The following BAZ1A variants were observed in gnomAD, a reference collection of about 807,000 sequenced individuals.
The protein encoded by BAZ1A is bromodomain adjacent to zinc finger domain protein 1A.
Under a neutral mutation model 185.2 loss-of-function variants are expected in BAZ1A, and 50 were observed. The ratio of observed to expected loss-of-function variants is 0.27; its 90% confidence interval spans 0.22 to 0.34. The LOEUF (loss-of-function observed/expected upper bound fraction) is 0.34. BAZ1A is among the 10% of genes least tolerant of loss of function. BAZ1A has a pLI of 1.00. For synonymous variants in BAZ1A, 571 were observed against 615.6 expected, an observed-to-expected ratio of 0.93 and a Z score of 1.07; for missense variants, 1,356 against 1,839.9, an observed-to-expected ratio of 0.74 and a Z score of 4.81.
rs767006466 is a variant in BAZ1A at position 34,754,896 on chromosome 14, T to C, written c.4405A>G (p.Ile1469Val). ...SKIQVPDYYD[I>V]IKKPIALNII... ...TTTAAGGCAATGGGCTTTTTGATGA[T>C]GTCATAGTAGTCTGGGACCTGTAAA... Residue 1469 changes from isoleucine (I) to valine (V), a missense_variant, in exon 26 of 27, where the codon ATC (isoleucine) becomes GTC (valine). Around this residue, in one of 7 missense-constraint regions of BAZ1A, gnomAD observed 61 missense variants for 117.9 expected, o/e 0.52. Coordinates refer to ENST00000360310, the MANE Select transcript of BAZ1A (RefSeq NM_013448.3). 1 of 1,604,200 alleles carries C rather than the reference T, an allele frequency of 6.2e-7. No homozygotes were observed. The highest frequency in any genetic ancestry group is 8.5e-7 in the Non-Finnish European group (1 of 1,175,456).
intron 5 of BAZ1A, among the ~76,000 whole-genome samples, chr14:34,809,425 A>T (rs1263183685): frequency 6.6e-6 from 1 of 152,206 alleles, no homozygotes; most frequent in Non-Finnish European, 1.5e-5. Flanking sequence ...TTCTAGCTAC[A>T]TTTCAAATGC....
At chr14:34,845,894 G>A (rs1338741367) in intron 3 of BAZ1A, among the ~76,000 whole-genome samples, 1 of 149,972 alleles carries the variant, frequency 6.7e-6, no homozygotes, top group Non-Finnish European at 1.5e-5. Flanking sequence ...AGAAAACTTT[G>A]ATCTTATATG....
intron 12 of BAZ1A, among the ~76,000 whole-genome samples, chr14:34,790,173 T>C (rs920497126): frequency 1.3e-5 from 2 of 151,786 alleles, no homozygotes; most frequent in African/African-American, 2.4e-5. Context: ...ATTTTCTTTT[T>C]TTTTTTTTTC....
intron 3 of BAZ1A, 132 bp from the exon 4 acceptor site, chr14:34,826,288 T>G (rs774379175): frequency 1.6e-5 from 13 of 833,536 alleles, no homozygotes; most frequent in Non-Finnish European, 2.1e-5. Context: ...TTAAACAATT[T>G]AATTAAAAAG....
chr14:34,864,338 T>C (rs1046218955), intron 2 of BAZ1A, among the ~76,000 whole-genome samples: 1 of 151,916 alleles, frequency 6.6e-6, no homozygotes, highest in Non-Finnish European at 1.5e-5. Context: ...GAGATGGAGT[T>C]TCATCATGTT....
At chr14:34,767,136 G>A (rs1045739781) in intron 21 of BAZ1A, among the ~76,000 whole-genome samples, 1 of 152,134 alleles carries the variant, frequency 6.6e-6, no homozygotes. Context: ...CTTTATCTAT[G>A]TTGTTTTGTT....
Position 34,765,131 on chromosome 14 carries a change from G to A in BAZ1A, c.3439C>T (p.Leu1147=). ...DRSVIWSKSI[L]NARCKICRKK... ...CGACATATCTTGCAACGCGCATTCA[G>A]TATAGATTTAGACCATATCACGCTA... The change falls in exon 22 of 27, where the codon CTG becomes TTG. Residue 1147 remains leucine, a synonymous_variant. Transcript: ENST00000360310. The A allele has an allele frequency of 6.2e-7, 1 of 1,614,142 alleles. No homozygotes were observed. Among genetic ancestry groups the A allele is most frequent in the Non-Finnish European group, 8.5e-7 (1 of 1,180,014 alleles).
intron 3 of BAZ1A, among the ~76,000 whole-genome samples, chr14:34,835,128 C>T (rs1431687550): frequency 6.6e-6 from 1 of 151,638 alleles, no homozygotes; most frequent in Non-Finnish European, 1.5e-5. Context: ...GTGGCATGAT[C>T]TCAGCTCACT....
At chr14:34,864,799 A>C (rs1380305391) in intron 2 of BAZ1A, among the ~76,000 whole-genome samples, 3 of 117,588 alleles carry the variant, frequency 2.6e-5, no homozygotes, top group Non-Finnish European at 5.3e-5. Context: ...TTTTAAAGAC[A>C]GAGTTCTCGC....
intron 2 of BAZ1A, among the ~76,000 whole-genome samples, chr14:34,872,941 A>AAAAAAAAAAAAC (rs1555346584): frequency 4.1e-5 from 5 of 122,678 alleles, no homozygotes; most frequent in African/African-American, 1.6e-4. Flanking sequence ...AAAAAAAAAA[A>AAAAAAAAAAAAC]CTTGTCCAAT....
intron 2 of BAZ1A, 72 bp from the exon 3 acceptor site, chr14:34,862,394 T>C: frequency 6.6e-7 from 1 of 1,507,750 alleles, no homozygotes; most frequent in Non-Finnish European, 8.8e-7. Context: ...TAAAAACTGA[T>C]AGCATTATCA....
intron 6 of BAZ1A, among the ~76,000 whole-genome samples, chr14:34,803,341 T>C (rs1198633322): frequency 7.1e-6 from 1 of 141,016 alleles, no homozygotes; most frequent in Non-Finnish European, 1.5e-5. Context: ...ATCGTGCCAC[T>C]GCACTCCAGC....
At chr14:34,856,227 C>G (rs1040001357) in intron 3 of BAZ1A, among the ~76,000 whole-genome samples, 1 of 151,796 alleles carries the variant, frequency 6.6e-6, no homozygotes, top group Non-Finnish European at 1.5e-5. Flanking sequence ...TTACCTTATT[C>G]ACAACTTTAA....
At chr14:34,791,426 A>T (rs1168028375) in intron 12 of BAZ1A, among the ~76,000 whole-genome samples, 1 of 152,196 alleles carries the variant, frequency 6.6e-6, no homozygotes, top group Non-Finnish European at 1.5e-5. Flanking sequence ...CTGAGGTGAC[A>T]ATAGGGGTCA....
intron 12 of BAZ1A, among the ~76,000 whole-genome samples, chr14:34,789,661 A>G (rs186885369): frequency 6.1e-4 from 93 of 152,312 alleles, no homozygotes; most frequent in African/African-American, 2.2e-3. Flanking sequence ...AGTTCATGAT[A>G]TAAGACTAAA....
chr14:34,809,528 GTCT>G (rs754133475), intron 5 of BAZ1A, among the ~76,000 whole-genome samples: 1 of 152,062 alleles, frequency 6.6e-6, no homozygotes, highest in East Asian at 1.9e-4. Flanking sequence ...AGCATATCAA[GTCT>G]TCTTCTTTAT....
chr14:34,873,778 G>GAA (rs34406326), intron 2 of BAZ1A, among the ~76,000 whole-genome samples: 3 of 3,602 alleles, frequency 8.3e-4, no homozygotes, highest in Middle Eastern at 0.5. Flanking sequence ...CCCCGGAGAC[G>GAA]AGTTAGTCAC....
chr14:34,819,226 T>C (rs1024581969), intron 4 of BAZ1A, among the ~76,000 whole-genome samples: 3 of 151,460 alleles, frequency 2.0e-5, no homozygotes, highest in African/African-American at 7.3e-5. Flanking sequence ...GCATAGGGTA[T>C]ATAGTTTGGT....
chr14:34,779,856 G>A (rs1879923429), intron 17 of BAZ1A, among the ~76,000 whole-genome samples: 1 of 152,136 alleles, frequency 6.6e-6, no homozygotes, highest in African/African-American at 2.4e-5. Flanking sequence ...GCCCAAAAAA[G>A]TAGTAAATGT....
Sources: allele counts gnomAD v4.1 joint callset (sites outside exome capture counted in the v4.1 genomes callset), GRCh38; gene constraint gnomAD v4.1.1; regional missense constraint gnomAD v4.1.1; transcripts MANE v1.5; gene names NCBI Gene and HGNC (gene_info 2026-07-23, HGNC 2026-07-21).